The following CFAP144 variants were observed in gnomAD, a reference collection of about 807,000 sequenced individuals.
The protein encoded by CFAP144 is cilia and flagella associated protein 144.
At chr1:43,152,879 A>G in the CFAP144 span, 6 of 1,613,564 alleles carry the variant, frequency 3.7e-6, no homozygotes, top group Non-Finnish European at 5.1e-6. Context: ...AGGAAGAAGT[A>G]CCCAGAGACA....
the CFAP144 span, among the ~76,000 whole-genome samples, chr1:43,153,824 T>C: frequency 4.7e-5 from 7 of 149,986 alleles, no homozygotes; most frequent in African/African-American, 1.7e-4. Context: ...ATGTGCAATA[T>C]GGAATAGACA....
At chr1:43,150,452 C>A in the CFAP144 span, among the ~76,000 whole-genome samples, 1 of 152,222 alleles carries the variant, frequency 6.6e-6, no homozygotes, top group Non-Finnish European at 1.5e-5. Flanking sequence ...CCGCCTGCAG[C>A]TATTGAGCAC....
the CFAP144 span, among the ~76,000 whole-genome samples, chr1:43,151,773 G>C: frequency 2.0e-5 from 3 of 152,242 alleles, no homozygotes; most frequent in East Asian, 1.9e-4. Context: ...GATGGGAAGT[G>C]GGGGAGCAGA....
chr1:43,150,706 G>C, the CFAP144 span: 1 of 1,484,378 alleles, frequency 6.7e-7, no homozygotes, highest in East Asian at 2.4e-5. Flanking sequence ...CCTTAGAGAG[G>C]GCAGGGAACT....
the CFAP144 span, among the ~76,000 whole-genome samples, chr1:43,145,507 G>T: frequency 1.3e-5 from 2 of 152,116 alleles, no homozygotes; most frequent in Admixed American, 6.5e-5. Context: ...AAAAGGGGAG[G>T]GTCCCTCCAT....
At chr1:43,154,196 AT>A in the CFAP144 span, among the ~76,000 whole-genome samples, 1 of 139,608 alleles carries the variant, frequency 7.2e-6, no homozygotes, top group Admixed American at 7.1e-5. Flanking sequence ...ATATATATAA[AT>A]AAAATTATAT....
At chr1:43,146,222 T>C in the CFAP144 span, among the ~76,000 whole-genome samples, 2 of 152,224 alleles carry the variant, frequency 1.3e-5, no homozygotes, top group South Asian at 4.1e-4. Flanking sequence ...TAAACATTAG[T>C]AGGACAAAAC....
the CFAP144 span, chr1:43,145,424 G>T: frequency 1.1e-5 from 8 of 729,858 alleles, no homozygotes; most frequent in African/African-American, 1.8e-5. Flanking sequence ...GTTCCTCCCA[G>T]ACTCCATTTT....
At chr1:43,146,627 T>C in the CFAP144 span, among the ~76,000 whole-genome samples, 2 of 152,166 alleles carry the variant, frequency 1.3e-5, no homozygotes, top group African/African-American at 4.8e-5. Context: ...AAATAATATA[T>C]TAAGAACTCC....
the CFAP144 span, chr1:43,152,638 G>A: frequency 3.7e-6 from 2 of 547,506 alleles, no homozygotes; most frequent in Non-Finnish European, 6.3e-6. Context: ...GTCTGGCACA[G>A]AGTTTGAGCT....
At chr1:43,145,372 G>C in the CFAP144 span, 3 of 1,113,262 alleles carry the variant, frequency 2.7e-6, no homozygotes, top group African/African-American at 4.7e-5. Flanking sequence ...CAAGGTCCCT[G>C]CTGTAGATAG....
chr1:43,154,062 GTATATATATA>G, the CFAP144 span, among the ~76,000 whole-genome samples: 313 of 83,666 alleles, frequency 3.7e-3, 7 homozygotes, highest in Admixed American at 0.015. Context: ...ATATGTGTGT[GTATATATATA>G]TATATATATA....
At chr1:43,148,197 C>A in the CFAP144 span, 1 of 1,060,438 alleles carries the variant, frequency 9.4e-7, no homozygotes, top group Non-Finnish European at 1.4e-6. Context: ...CTTTCCCCAG[C>A]ACCCGCCCCC....
chr1:43,156,118 C>G, the CFAP144 span: 2 of 1,049,862 alleles, frequency 1.9e-6, no homozygotes, highest in African/African-American at 1.6e-5. Context: ...GAGGGTGGAG[C>G]CTGATATAAG....
chr1:43,155,841 G>A, the CFAP144 span, among the ~76,000 whole-genome samples: 1 of 152,238 alleles, frequency 6.6e-6, no homozygotes, highest in South Asian at 2.1e-4. Flanking sequence ...TTTGCACGGT[G>A]TAACTTCTAT....
chr1:43,150,439 T>C, the CFAP144 span, among the ~76,000 whole-genome samples: 1 of 152,234 alleles, frequency 6.6e-6, no homozygotes, highest in Non-Finnish European at 1.5e-5. Flanking sequence ...CTGTAGCCAT[T>C]AACCGCCTGC....
chr1:43,148,051 T>C, the CFAP144 span: 1 of 1,613,574 alleles, frequency 6.2e-7, no homozygotes, highest in Non-Finnish European at 8.5e-7. Flanking sequence ...CCAGAAACTC[T>C]ACACGCAGTA....
At chr1:43,150,729 T>G in the CFAP144 span, 1 of 1,576,360 alleles carries the variant, frequency 6.3e-7, no homozygotes, top group Admixed American at 1.8e-5. Flanking sequence ...TGTTTTAATC[T>G]GAACTTGTGA....
the CFAP144 span, among the ~76,000 whole-genome samples, chr1:43,149,814 A>G: frequency 1.3e-5 from 2 of 152,246 alleles, no homozygotes; most frequent in African/African-American, 4.8e-5. Flanking sequence ...TAAAAACTAT[A>G]TAATTATACA....
Sources: gnomAD v4.1 joint callset for allele counts (sites outside exome capture counted in the v4.1 genomes callset) on GRCh38, gnomAD v4.1.1 for gene constraint, MANE v1.5 for transcripts, NCBI Gene and HGNC (gene_info 2026-07-23, HGNC 2026-07-21) for gene names.